Variants in GSG1L observed in about 807,000 individuals in gnomAD.
GSG1L encodes GSG1 like.
In GSG1L, 24 loss-of-function variants were observed where a neutral mutation model predicts 42.1. The observed-to-expected ratio is 0.57, with a 90% CI of 0.41 to 0.80. The LOEUF is 0.80. Among genes scored for constraint, GSG1L ranks in the 30% least tolerant of loss-of-function variants. The pLI is 0.00. For synonymous variants in GSG1L, 215 were observed against 203.5 expected (o/e 1.06, Z -0.48); for missense variants, 445 against 472.2 (o/e 0.94, Z 0.53).
At chr16:27,866,062 G>T (rs575222717) in intron 3 of GSG1L, among the ~76,000 whole-genome samples, 2 of 151,828 alleles carry the variant, frequency 1.3e-5, no homozygotes, top group Non-Finnish European at 2.9e-5. Context: ...GCCTTCCTGT[G>T]TATCTTTCTA....
At chr16:27,967,083 G>A in intron 1 of GSG1L, among the ~76,000 whole-genome samples, 1 of 152,176 alleles carries the variant, frequency 6.6e-6, no homozygotes, top group East Asian at 1.9e-4. Flanking sequence ...TGTTACTGCT[G>A]GTCCCAACAA....
chr16:28,060,498 G>A (rs946499835), intron 1 of GSG1L, among the ~76,000 whole-genome samples: 7 of 152,164 alleles, frequency 4.6e-5, no homozygotes, highest in African/African-American at 1.7e-4. Context: ...TGGCCAAGAG[G>A]AAACTGGGGG....
intron 3 of GSG1L, among the ~76,000 whole-genome samples, chr16:27,882,714 C>G (rs930197777): frequency 1.3e-5 from 2 of 152,188 alleles, no homozygotes; most frequent in African/African-American, 4.8e-5. Context: ...ACTCCCTGGG[C>G]AAATGTGGGT....
At chr16:27,910,434 G>A (rs1021560128) in intron 2 of GSG1L, among the ~76,000 whole-genome samples, 2 of 152,208 alleles carry the variant, frequency 1.3e-5, no homozygotes, top group African/African-American at 4.8e-5. Context: ...ACCTCTGTGA[G>A]GTAGGTAATG....
chr16:27,926,439 C>G (rs1359450773), intron 2 of GSG1L, among the ~76,000 whole-genome samples: 1 of 151,992 alleles, frequency 6.6e-6, no homozygotes, highest in Non-Finnish European at 1.5e-5. Context: ...GAGGCCGGTG[C>G]TGGTGGATCA....
At chr16:27,826,276 T>C (rs191159559) in intron 5 of GSG1L, among the ~76,000 whole-genome samples, 2,977 of 151,934 alleles carry the variant, frequency 0.02, 101 homozygotes, top group African/African-American at 0.068. Context: ...CCTGTGTGGG[T>C]CTCCTCACCC....
chr16:27,952,667 T>C (rs1175805431), intron 2 of GSG1L, among the ~76,000 whole-genome samples: 1 of 152,216 alleles, frequency 6.6e-6, no homozygotes, highest in African/African-American at 2.4e-5. Flanking sequence ...GCCCTGTGTA[T>C]GTTTGAGAGC....
Position 27,791,222 on chromosome 16 carries a change from T to A in GSG1L, c.*148A>T, listed in dbSNP as rs901209963. The stretch of plus-strand genomic sequence containing the variant: ...CAAGGCCATGGGACCCAGGCAGCGA[T>A]GGGCAGGACAGGCCTGGCATCTCCC... On this transcript the variant is annotated 3_prime_UTR_variant, in exon 7 of 7. Coordinates refer to ENST00000447459, the MANE Select transcript of GSG1L (RefSeq NM_001109763.2). 8 of 448,490 alleles carry A rather than the reference T, an allele frequency of 1.8e-5. No homozygotes were observed. The East Asian group carries it at 2.8e-4, about 16-fold the overall frequency. The allele number at this position is 448,490 out of a possible 1,614,324, so 27.8% of individuals were successfully genotyped here.
intron 1 of GSG1L, among the ~76,000 whole-genome samples, chr16:27,982,238 C>A (rs530925393): frequency 6.6e-6 from 1 of 152,330 alleles, no homozygotes; most frequent in South Asian, 2.1e-4. Flanking sequence ...TGGTGACACG[C>A]ACCTGTAGCC....
At chr16:27,799,684 C>T (rs140702375) in intron 6 of GSG1L, among the ~76,000 whole-genome samples, 1,851 of 152,084 alleles carry the variant, frequency 0.012, 121 homozygotes, top group Admixed American at 0.1. Flanking sequence ...GTGAAGGGGG[C>T]GGGCACCGAG....
chr16:28,024,691 A>G (rs1271798392), intron 1 of GSG1L, among the ~76,000 whole-genome samples: 2 of 152,220 alleles, frequency 1.3e-5, no homozygotes, highest in African/African-American at 4.8e-5. Context: ...TGAAGCTCTC[A>G]GAGATTCTGT....
intron 5 of GSG1L, among the ~76,000 whole-genome samples, chr16:27,811,929 G>A (rs886151953): frequency 1.3e-5 from 2 of 152,164 alleles, no homozygotes; most frequent in African/African-American, 4.8e-5. Flanking sequence ...GGGATTACAG[G>A]CGTGAGCCAC....
chr16:27,878,328 G>C (rs2384821), intron 3 of GSG1L, among the ~76,000 whole-genome samples: 20,225 of 152,162 alleles, frequency 0.13, 1,488 homozygotes, highest in Admixed American at 0.19. Context: ...GGTGGAAGGG[G>C]AAGCAAACAT....
chr16:28,004,344 G>A (rs1017552485), intron 1 of GSG1L, among the ~76,000 whole-genome samples: 2 of 152,158 alleles, frequency 1.3e-5, no homozygotes, highest in African/African-American at 4.8e-5. Context: ...TGGCTGGAGG[G>A]GGATGAGGGA....
intron 6 of GSG1L, among the ~76,000 whole-genome samples, chr16:27,801,227 T>A (rs2082878073): frequency 6.6e-6 from 1 of 152,028 alleles, no homozygotes; most frequent in South Asian, 2.1e-4. Context: ...AGGAGTGGCC[T>A]CTCTCCCAGG....
At chr16:28,045,287 A>C (rs534841143) in intron 1 of GSG1L, among the ~76,000 whole-genome samples, 57 of 152,314 alleles carry the variant, frequency 3.7e-4, no homozygotes, top group South Asian at 2.3e-3. Flanking sequence ...GGAGATGTTG[A>C]TAATGGGAGA....
chr16:27,985,773 C>T (rs567736435), intron 1 of GSG1L, among the ~76,000 whole-genome samples: 12 of 152,130 alleles, frequency 7.9e-5, no homozygotes, highest in Non-Finnish European at 1.3e-4. Flanking sequence ...GCAGAATTTG[C>T]GGTGAGCCAA....
At chr16:27,803,559 A>G (rs1420075509) in intron 6 of GSG1L, among the ~76,000 whole-genome samples, 1 of 152,016 alleles carries the variant, frequency 6.6e-6, no homozygotes, top group African/African-American at 2.4e-5. Flanking sequence ...CTTCCAGGGA[A>G]ACACAAACCA....
At chr16:27,818,370 G>A (rs954491007) in intron 5 of GSG1L, among the ~76,000 whole-genome samples, 1 of 151,984 alleles carries the variant, frequency 6.6e-6, no homozygotes, top group African/African-American at 2.4e-5. Flanking sequence ...TCACCTCCCC[G>A]TGTATGGGTG....
Sources: allele counts gnomAD v4.1 joint callset (sites outside exome capture counted in the v4.1 genomes callset), GRCh38; gene constraint gnomAD v4.1.1; transcripts MANE v1.5; gene names NCBI Gene and HGNC (gene_info 2026-07-23, HGNC 2026-07-21).